SLC6A11: variants seen among roughly 807,000 people sequenced by gnomAD.
SLC6A11 encodes solute carrier family 6 member 11, also known as sodium- and chloride-dependent GABA transporter 3.
A neutral mutation model predicts 74.8 loss-of-function variants in SLC6A11; 25 were observed. The ratio of observed to expected loss-of-function variants is 0.33; its 90% CI spans 0.24 to 0.47. The LOEUF is 0.47. SLC6A11 is among the 20% of genes least tolerant of loss of function. The probability of loss-of-function intolerance (pLI) is 1.00; values close to 1 mark genes in which losing one functional copy is unlikely to be tolerated. For synonymous variants in SLC6A11, 330 were observed against 330.2 expected, an observed-to-expected ratio of 1.00 and a Z score of 0.01; for missense variants, 574 against 837.0, an observed-to-expected ratio of 0.69 and a Z score of 3.88.
chr3:10,895,377 T>C (rs1695158041), intron 6 of SLC6A11, among the ~76,000 whole-genome samples: 1 of 152,140 alleles, frequency 6.6e-6, no homozygotes, highest in Admixed American at 6.5e-5. Flanking sequence ...AGTTACAGGA[T>C]ATATGTGCAG....
At chr3:10,899,677 G>T (rs1329147903) in intron 6 of SLC6A11, among the ~76,000 whole-genome samples, 1 of 152,174 alleles carries the variant, frequency 6.6e-6, no homozygotes, top group Non-Finnish European at 1.5e-5. Context: ...GCCACTTTCT[G>T]CCAGCCTTCC....
At chr3:10,884,923 C>G (rs551185748) in intron 6 of SLC6A11, among the ~76,000 whole-genome samples, 1 of 152,348 alleles carries the variant, frequency 6.6e-6, no homozygotes, top group Non-Finnish European at 1.5e-5. Flanking sequence ...TTTAGTTTGT[C>G]AGTCCCCCAC....
At chr3:10,847,981 A>G (rs1459492171) in intron 5 of SLC6A11, among the ~76,000 whole-genome samples, 1 of 152,194 alleles carries the variant, frequency 6.6e-6, no homozygotes, top group Non-Finnish European at 1.5e-5. Context: ...GCTATTGTCC[A>G]GCTGCAACTG....
At chr3:10,864,430 C>T (rs536662973) in intron 5 of SLC6A11, among the ~76,000 whole-genome samples, 3 of 151,908 alleles carry the variant, frequency 2.0e-5, no homozygotes, top group African/African-American at 7.2e-5. Context: ...AACCATGTAC[C>T]CCTCAATGGA....
chr3:10,913,489 G>A (rs546271636), intron 7 of SLC6A11, among the ~76,000 whole-genome samples: 41 of 152,132 alleles, frequency 2.7e-4, no homozygotes, highest in African/African-American at 8.4e-4. Flanking sequence ...CTTTGAGTAC[G>A]TATTGCTTTT....
chr3:10,918,611 T>C lies in SLC6A11; in HGVS notation c.1120+158T>C, dbSNP rs1695491885. On this transcript the variant is annotated intron_variant, in intron 8 of 13. Transcript: ENST00000254488. The surrounding 1 kb of genome is among the most constrained non-coding windows in gnomAD (Gnocchi z 4.5). ...CATCCACAATCCAGGATCCTGGGAA[T>C]TACCTAGGAGGAAAGTCTCGACACC... Among the ~76,000 whole-genome samples, 1 of 152,082 alleles carries C rather than the reference T, an allele frequency of 6.6e-6. No individual in the cohort carries two copies. Among genetic ancestry groups the C allele is most frequent in the Admixed American group, 6.6e-5 (1 of 15,266 alleles).
intron 6 of SLC6A11, among the ~76,000 whole-genome samples, chr3:10,882,871 C>A (rs1027673281): frequency 1.3e-5 from 2 of 152,154 alleles, no homozygotes; most frequent in Non-Finnish European, 2.9e-5. Context: ...ATCGGCCGCA[C>A]AGGGAGGCAG....
At chr3:10,877,096 T>A (rs1366767629) in intron 6 of SLC6A11, among the ~76,000 whole-genome samples, 1 of 152,204 alleles carries the variant, frequency 6.6e-6, no homozygotes, top group Non-Finnish European at 1.5e-5. Context: ...TCAGGTCACA[T>A]CCAGCCCTCT....
intron 7 of SLC6A11, among the ~76,000 whole-genome samples, chr3:10,917,196 A>C (rs1318698034): frequency 1.3e-5 from 2 of 152,222 alleles, no homozygotes; most frequent in Non-Finnish European, 2.9e-5. Context: ...CCCAAGCCTG[A>C]AGGAACTCCA....
Position 10,830,010 on chromosome 3 carries a change from T to C in SLC6A11, c.623+6618T>C, listed in dbSNP as rs146747469. Among the ~76,000 whole-genome samples the C allele has an allele frequency of 6.4e-3, 977 of 152,064 alleles. 12 individuals carry two copies. The highest frequency in any genetic ancestry group is 0.023 in the African/African-American group (945 of 41,448). On this transcript the variant is annotated intron_variant, in intron 4 of 13. Transcript: ENST00000254488. ...GCCAGAAAGATGAGTGGTGGGACAC[T>C]GGCTCTCCATGAAGAAGCACACAGC... is the stretch of plus-strand genomic sequence containing the variant.
In SLC6A11 at chr3:10,929,321, C is replaced by T; in HGVS notation, c.1353C>T (p.Gly451=). 11 of 1,614,036 alleles carry T rather than the reference C, an allele frequency of 6.8e-6. No individual in the cohort carries two copies. The highest frequency in any genetic ancestry group is 9.3e-6 in the Non-Finnish European group (11 of 1,179,968). Residue 451 remains glycine, a synonymous_variant, in exon 10 of 14, where the codon GGC becomes GGT. Coordinates refer to ENST00000254488, the MANE Select transcript of SLC6A11 (RefSeq NM_014229.3). Reference sequence around the variant, plus strand: ...TGTCTGTTATCTCCTATTTTCTGGGCCTCGTGATGTTAACAGAGGTGAGTG... The same window carrying T: ...TGTCTGTTATCTCCTATTTTCTGGGTCTCGTGATGTTAACAGAGGTGAGTG... ...LALSVISYFL[G]LVMLTEGGMY...
intron 12 of SLC6A11, among the ~76,000 whole-genome samples, chr3:10,934,467 A>G (rs973408826): frequency 6.6e-6 from 1 of 152,196 alleles, no homozygotes; most frequent in Non-Finnish European, 1.5e-5. Flanking sequence ...GCCGAGGACT[A>G]TGTGGGGAAC....
intron 4 of SLC6A11, among the ~76,000 whole-genome samples, chr3:10,838,278 C>T (rs1694392496): frequency 6.6e-6 from 1 of 152,236 alleles, no homozygotes; most frequent in South Asian, 2.1e-4. Context: ...TTCCTTCTCT[C>T]CAGACTCAGC....
At chr3:10,857,854 G>T (rs1348783343) in intron 5 of SLC6A11, among the ~76,000 whole-genome samples, 1 of 152,030 alleles carries the variant, frequency 6.6e-6, no homozygotes, top group African/African-American at 2.4e-5. Flanking sequence ...ATATTATAAA[G>T]GAAAAGCAAA....
At chr3:10,826,638 A>G (rs1215017176) in intron 4 of SLC6A11, among the ~76,000 whole-genome samples, 1 of 152,236 alleles carries the variant, frequency 6.6e-6, no homozygotes, top group Non-Finnish European at 1.5e-5. Context: ...TATCATTGCC[A>G]GGCTATGGAA....
chr3:10,838,319 G>A (rs1694392854), intron 4 of SLC6A11, among the ~76,000 whole-genome samples: 1 of 152,244 alleles, frequency 6.6e-6, no homozygotes, highest in Admixed American at 6.5e-5. Flanking sequence ...GAGGGAACAT[G>A]TGTGGGATTC....
intron 6 of SLC6A11, among the ~76,000 whole-genome samples, chr3:10,895,419 TAAG>T (rs1695158519): frequency 2.0e-5 from 3 of 152,162 alleles, no homozygotes; most frequent in Admixed American, 1.3e-4. Flanking sequence ...TATGCAACCA[TAAG>T]AAGGACTGAG....
intron 5 of SLC6A11, among the ~76,000 whole-genome samples, chr3:10,859,116 A>G (rs1338532360): frequency 1.3e-5 from 2 of 151,940 alleles, no homozygotes; most frequent in African/African-American, 2.4e-5. Flanking sequence ...AAAGGCCACC[A>G]TAAAATGTGG....
At chr3:10,928,290 C>T (rs1180540880) in intron 9 of SLC6A11, among the ~76,000 whole-genome samples, 1 of 152,142 alleles carries the variant, frequency 6.6e-6, no homozygotes, top group Non-Finnish European at 1.5e-5. Context: ...TGGCCCCTTC[C>T]CTCCAGGATC....
Sources: gnomAD v4.1 joint callset for allele counts (sites outside exome capture counted in the v4.1 genomes callset) on GRCh38, gnomAD v4.1.1 for gene constraint, Gnocchi (gnomAD v3.1) non-coding constraint, MANE v1.5 for transcripts, NCBI Gene and HGNC (gene_info 2026-07-23, HGNC 2026-07-21) for gene names.